The following MDH1B variants were observed in gnomAD, a reference collection of about 807,000 sequenced individuals.
MDH1B encodes putative malate dehydrogenase 1B.
MDH1B carries 60 observed loss-of-function variants against 61.4 expected under a neutral mutation model. The ratio of observed to expected loss-of-function variants is 0.98; its 90% CI spans 0.79 to 1.21. The LOEUF is 1.21. Ranked by LOEUF, MDH1B falls within the 50% of genes most tolerant of loss-of-function variation. The probability of loss-of-function intolerance (pLI) is 0.00; values close to 1 mark genes in which losing one functional copy is unlikely to be tolerated. For synonymous variants in MDH1B, 236 were observed against 218.7 expected, an observed-to-expected ratio of 1.08 and a Z score of -0.70; for missense variants, 587 against 632.1, an observed-to-expected ratio of 0.93 and a Z score of 0.76.
chr2:206,758,089 C>T (rs193245782), intron 2 of MDH1B, among the ~76,000 whole-genome samples: 77 of 152,280 alleles, frequency 5.1e-4, no homozygotes, highest in African/African-American at 1.8e-3. Flanking sequence ...TTAAAGCAAA[C>T]AATGCTGCTA....
At chr2:206,758,394 G>C (rs373305432) in intron 2 of MDH1B, among the ~76,000 whole-genome samples, 1 of 152,180 alleles carries the variant, frequency 6.6e-6, no homozygotes, top group South Asian at 2.1e-4. Flanking sequence ...TGCCAGACTG[G>C]CTCTTAGAAA....
In MDH1B at chr2:206,763,368, T is replaced by C. The variant is rs566736982; in HGVS notation, c.22+1882A>G. On this transcript the variant is annotated intron_variant, in intron 1 of 11. Transcript: ENST00000374412. Reference sequence around the variant, plus strand: ...TCAATTAGACATCCAGTTCTATAGATTCTGCCTCCCTAATATCTCTCCAAT... The same window carrying C: ...TCAATTAGACATCCAGTTCTATAGACTCTGCCTCCCTAATATCTCTCCAAT... Among the ~76,000 whole-genome samples, 6 of 152,112 alleles carry C rather than the reference T, an allele frequency of 3.9e-5. No homozygotes were observed. In the South Asian group the frequency reaches 1.2e-3, roughly 32 times the overall value.
intron 8 of MDH1B, among the ~76,000 whole-genome samples, chr2:206,745,937 T>G (rs1206376745): frequency 6.6e-6 from 1 of 152,114 alleles, no homozygotes; most frequent in East Asian, 1.9e-4. Context: ...TTTCTCCATG[T>G]TGGTCAGGCT....
intron 7 of MDH1B, among the ~76,000 whole-genome samples, chr2:206,748,314 G>C (rs536798425): frequency 1.3e-5 from 2 of 152,356 alleles, no homozygotes; most frequent in African/African-American, 4.8e-5. Flanking sequence ...AGAAGGAGGG[G>C]GTTGCAGTGA....
intron 6 of MDH1B, among the ~76,000 whole-genome samples, chr2:206,750,525 C>T (rs555007554): frequency 1.3e-5 from 2 of 151,912 alleles, no homozygotes; most frequent in Non-Finnish European, 2.9e-5. Context: ...TTCCTCACCA[C>T]CTCTTGCTTC....
chr2:206,739,500 C>G (rs1305843139), intron 11 of MDH1B, 93 bp downstream of exon 11: 2 of 1,163,478 alleles, frequency 1.7e-6, no homozygotes, highest in Non-Finnish European at 2.5e-6. Flanking sequence ...GAGGGTTTGA[C>G]AAGAATAGTA....
intron 7 of MDH1B, among the ~76,000 whole-genome samples, chr2:206,748,713 T>A (rs1688265801): frequency 6.6e-6 from 1 of 152,228 alleles, no homozygotes; most frequent in Non-Finnish European, 1.5e-5. Context: ...TGCTTTCCCT[T>A]TATCTATTGC....
chr2:206,748,882 GA>G, intron 7 of MDH1B, 137 bp downstream of exon 7: 1 of 646,382 alleles, frequency 1.5e-6, no homozygotes, highest in Non-Finnish European at 2.6e-6. Flanking sequence ...TTGAATGAAT[GA>G]ATGAGTATGA....
Position 206,765,276 on chromosome 2 carries a change from G to A in MDH1B, c.-5C>T, listed in dbSNP as rs765857440. The A allele has an allele frequency of 4.4e-6, 7 of 1,601,314 alleles. No individual in the cohort carries two copies. The highest frequency in any genetic ancestry group is 6.0e-6 in the Non-Finnish European group (7 of 1,175,918). ...CGCGATGACGAATTTGGCCATGGTC[G>A]AGAGAGACTCAGAGGCAGGGACCGC... On this transcript the variant is annotated 5_prime_UTR_variant, in exon 1 of 12. Coordinates refer to ENST00000374412, the MANE Select transcript of MDH1B (RefSeq NM_001039845.3).
chr2:206,757,094 T>C (rs895894449), intron 3 of MDH1B, 54 bp from the exon 4 acceptor site: 3 of 1,571,986 alleles, frequency 1.9e-6, no homozygotes, highest in Middle Eastern at 1.7e-4. Context: ...CTAGTTGAAA[T>C]TGGCTATAAT....
In MDH1B at chr2:206,765,103, A is replaced by G. The variant is rs1305898533; in HGVS notation, c.22+147T>C. Reference sequence around the variant, plus strand: ...CCCAGTGTCCCACAATGCTTGGCGCACCGTCACGGTCCAGTAAAAAACTTT... The same window carrying G: ...CCCAGTGTCCCACAATGCTTGGCGCGCCGTCACGGTCCAGTAAAAAACTTT... On this transcript the variant is annotated intron_variant, in intron 1 of 11. Coordinates refer to ENST00000374412, the MANE Select transcript of MDH1B (RefSeq NM_001039845.3). 4.2e-6 allele frequency: 4 copies of G among 951,982 alleles called. No individual in the cohort carries two copies. The African/African-American group carries it at 5.2e-5, about 12-fold the overall frequency. 59.0% of individuals were successfully genotyped at this position (951,982 alleles called of 1,614,324 possible).
Position 206,746,557 on chromosome 2 carries a change from G to A in MDH1B, c.1217-131C>T, listed in dbSNP as rs561988451. ...TGATAATGATGGAATTAAATTTCTC[G>A]GAATTCTTCTCCAAAGAGGACTGAA... On this transcript the variant is annotated intron_variant, in intron 7 of 11. Coordinates refer to ENST00000374412, the MANE Select transcript of MDH1B (RefSeq NM_001039845.3). 3.3e-4 allele frequency: 337 copies of A among 1,022,668 alleles called. 3 individuals carry two copies. The South Asian group carries it at 4.9e-3, about 15-fold the overall frequency. 63.3% of individuals were successfully genotyped at this position (1,022,668 alleles called of 1,614,324 possible). A position where few individuals can be genotyped will look rare whatever the true frequency, so the allele number is the denominator to read the frequency against.
At position 206,745,311 on chromosome 2, in the gene MDH1B, A is replaced by G. The variant is rs112805572; in HGVS notation, c.1408+311T>C. 4 of 504,572 alleles carry G rather than the reference A, an allele frequency of 7.9e-6. No individual in the cohort carries two copies. The Admixed American group carries it at 9.2e-5, about 12-fold the overall frequency. The allele number at this position is 504,572 out of a possible 1,614,324, so 31.3% of individuals were successfully genotyped here. ...GGTCTTCTAGTCTCCTGAGCTGTGA[A>G]CAAGTAAATTTCTGTTGTTTTTAAG... is the stretch of plus-strand genomic sequence containing the variant. On this transcript the variant is annotated intron_variant, in intron 9 of 11. Transcript: ENST00000374412.
chr2:206,764,977 T>G (rs2105965386), intron 1 of MDH1B, among the ~76,000 whole-genome samples: 1 of 152,332 alleles, frequency 6.6e-6, no homozygotes, highest in South Asian at 2.1e-4. Flanking sequence ...TGTGCAGGTC[T>G]CCTTCATCGC....
intron 5 of MDH1B, among the ~76,000 whole-genome samples, chr2:206,754,041 A>G (rs903128724): frequency 1.3e-5 from 2 of 152,246 alleles, no homozygotes; most frequent in Admixed American, 6.5e-5. Flanking sequence ...TAATTTTAGC[A>G]TCAATTTGGT....
chr2:206,742,962 A>G lies in MDH1B; in HGVS notation c.1409-1858T>C, dbSNP rs192688461. Among the ~76,000 whole-genome samples the G allele has an allele frequency of 4.5e-3, 681 of 152,092 alleles. 7 individuals are homozygous for G. Among genetic ancestry groups the G allele is most frequent in the East Asian group, 0.02 (103 of 5,154 alleles). Reference sequence around the variant, plus strand: ...GATCTCCTGACTTTGTGATCTGCCCACCTCGGCCTCCCAAAGTGCTGGGAT... The same window carrying G: ...GATCTCCTGACTTTGTGATCTGCCCGCCTCGGCCTCCCAAAGTGCTGGGAT... On this transcript the variant is annotated intron_variant, in intron 9 of 11. Coordinates refer to ENST00000374412, the MANE Select transcript of MDH1B (RefSeq NM_001039845.3).
rs1044254699 is a variant in MDH1B at position 206,755,525 on chromosome 2, G to T, written c.414-20C>A. The T allele has an allele frequency of 6.3e-7, 1 of 1,596,588 alleles. No homozygotes were observed. The highest frequency in any genetic ancestry group is 1.1e-5 in the South Asian group (1 of 87,224). On this transcript the variant is annotated intron_variant, in intron 4 of 11. Transcript: ENST00000374412. ...GAGGCACTGATAAAAATGCAAAGCC[G>T]CATTGTGAATAGTTATATCCTTTGT...
Position 206,757,338 on chromosome 2 carries a change from A to C in MDH1B, c.169T>G (p.Trp57Gly). 6.2e-7 allele frequency: 1 copy of C among 1,613,876 alleles called. No individual in the cohort carries two copies. Among genetic ancestry groups the C allele is most frequent in the Non-Finnish European group, 8.5e-7 (1 of 1,179,924 alleles). Residue 57 changes from tryptophan (W) to glycine (G), a missense_variant, in exon 3 of 12, where the codon TGG becomes GGG. Physicochemically the swap from Trp to Gly is radical, Grantham distance 184. Transcript: ENST00000374412. ...ATGATAGGGGAATTCTTGTGACTCC[A>C]CTTATTCTTTTCACACACATCTTTT... ...WLKDVCEKNK[W>G]SHKNSPIIWR...
intron 5 of MDH1B, among the ~76,000 whole-genome samples, chr2:206,753,828 C>T (rs1335879452): frequency 1.3e-5 from 2 of 152,120 alleles, no homozygotes; most frequent in Non-Finnish European, 2.9e-5. Flanking sequence ...ACCAGCAGAC[C>T]CACAAGACAG....
Sources: gnomAD v4.1 joint callset for allele counts (sites outside exome capture counted in the v4.1 genomes callset) on GRCh38, gnomAD v4.1.1 for gene constraint, MANE v1.5 for transcripts, NCBI Gene and HGNC (gene_info 2026-07-23, HGNC 2026-07-21) for gene names.